The following CHD9 variants were observed in gnomAD, a reference collection of about 807,000 sequenced individuals.
The protein encoded by CHD9 is ATP-dependent chromatin remodeler CHD9.
In CHD9, 77 loss-of-function variants were observed where a neutral mutation model predicts 316.1. The ratio of observed to expected loss-of-function variants is 0.24; its 90% CI spans 0.20 to 0.29. The LOEUF (loss-of-function observed/expected upper bound fraction) is 0.29, where lower values mean the gene tolerates loss of function less well. Among genes scored for constraint, CHD9 ranks in the 10% least tolerant of loss-of-function variants. The pLI is 1.00. For missense variants in CHD9, 2,763 were observed against 3,438.1 expected (o/e 0.80, Z 4.91); for synonymous variants, 1,129 against 1,158.3 (o/e 0.97, Z 0.51).
At chr16:53,244,293 C>T (rs1275145517) in intron 13 of CHD9, among the ~76,000 whole-genome samples, 1 of 150,576 alleles carries the variant, frequency 6.6e-6, no homozygotes, top group Non-Finnish European at 1.5e-5. Flanking sequence ...CCCGGGTTCA[C>T]GCCATTCTCC....
intron 1 of CHD9, among the ~76,000 whole-genome samples, chr16:53,058,109 G>A (rs1178890526): frequency 6.6e-6 from 1 of 151,954 alleles, no homozygotes; most frequent in Non-Finnish European, 1.5e-5. Flanking sequence ...TATCAAATAA[G>A]GTGTCTTTTG....
chr16:53,269,672 AG>A (rs1211179949), intron 22 of CHD9, among the ~76,000 whole-genome samples: 16 of 152,184 alleles, frequency 1.1e-4, no homozygotes, highest in African/African-American at 2.9e-4. Flanking sequence ...ACTAGAAAAA[AG>A]TAAGGCACTA....
At chr16:53,064,657 G>A (rs1202754296) in intron 1 of CHD9, among the ~76,000 whole-genome samples, 1 of 152,138 alleles carries the variant, frequency 6.6e-6, no homozygotes, top group Non-Finnish European at 1.5e-5. Context: ...GCCTGGTGAG[G>A]AAGCCAGGCT....
chr16:53,249,856 C>A lies in CHD9; in HGVS notation c.3666-15C>A, dbSNP rs748529103. On this transcript the variant is annotated splice_polypyrimidine_tract_variant and intron_variant, in intron 16 of 38. Coordinates refer to ENST00000447540, the MANE Select transcript of CHD9 (RefSeq NM_001308319.2). ...TATACTTATTTATGTAAATTTATTCCATTTCATTCCATAGATACTTATATG... is the reference window on the plus strand; with the variant it reads ...TATACTTATTTATGTAAATTTATTCAATTTCATTCCATAGATACTTATATG... 1.1e-5 allele frequency: 18 copies of A among 1,585,298 alleles called. No individual in the cohort carries two copies. The African/African-American group carries it at 2.0e-4, about 18-fold the overall frequency.
At chr16:53,134,056 C>T (rs1179255593) in intron 1 of CHD9, among the ~76,000 whole-genome samples, 2 of 151,866 alleles carry the variant, frequency 1.3e-5, no homozygotes, top group Admixed American at 6.6e-5. Context: ...AGCTTACCTC[C>T]GTAAATAACA....
At chr16:53,173,281 G>A (rs7202653) in intron 2 of CHD9, among the ~76,000 whole-genome samples, 42,282 of 151,776 alleles carry the variant, frequency 0.28, 5,979 homozygotes, top group Middle Eastern at 0.32. Flanking sequence ...TGCTTTTCAA[G>A]GTATTTTTCC....
At chr16:53,127,940 C>CAA (rs35806274) in intron 1 of CHD9, among the ~76,000 whole-genome samples, 22,467 of 77,838 alleles carry the variant, frequency 0.29, 3,605 homozygotes, top group Non-Finnish European at 0.31. Context: ...GAGACTCTGT[C>CAA]AAAAAAAAAA....
At chr16:53,089,288 AAAAACAAAAC>A (rs1248609840) in intron 1 of CHD9, among the ~76,000 whole-genome samples, 5 of 152,190 alleles carry the variant, frequency 3.3e-5, no homozygotes, top group Non-Finnish European at 5.9e-5. Flanking sequence ...ACTGTCTCAA[AAAAACAAAAC>A]AAAACAAAAG....
intron 33 of CHD9, 77 bp from the exon 34 acceptor site, chr16:53,308,609 T>C: frequency 9.6e-7 from 1 of 1,043,656 alleles, no homozygotes; most frequent in East Asian, 2.6e-5. Context: ...TTTTCCTCAG[T>C]AAAAAAATTC....
intron 2 of CHD9, among the ~76,000 whole-genome samples, chr16:53,207,807 T>C (rs371097522): frequency 6.6e-5 from 10 of 152,242 alleles, no homozygotes; most frequent in African/African-American, 2.2e-4. Context: ...TAATCAGATT[T>C]TTATGTATAT....
At chr16:53,265,426 AT>A (rs1241208523) in intron 20 of CHD9, among the ~76,000 whole-genome samples, 1 of 152,124 alleles carries the variant, frequency 6.6e-6, no homozygotes, top group African/African-American at 2.4e-5. Context: ...GTTTAAAAAA[AT>A]AAAATACATT....
chr16:53,263,047 C>G lies in CHD9; in HGVS notation c.4270C>G (p.Gln1424Glu). The G allele has an allele frequency of 1.2e-6, 2 of 1,612,628 alleles. No individual in the cohort carries two copies. The highest frequency in any genetic ancestry group is 1.7e-6 in the Non-Finnish European group (2 of 1,179,118). ...DISLDDPNFW[Q>E]KWAKKAEIDI... ...TTCTTTAGATGATCCCAACTTCTGG[C>G]AAAAATGGGCTAAAAAGGCAGAAAT... The change falls in exon 20 of 39, where the codon CAA becomes GAA. Residue 1424 changes from glutamine to glutamate, a missense_variant. Physicochemically the swap from Gln to Glu is conservative, Grantham distance 29. Coordinates refer to ENST00000447540, the MANE Select transcript of CHD9 (RefSeq NM_001308319.2).
At chr16:53,180,683 AT>A (rs537506077) in intron 2 of CHD9, among the ~76,000 whole-genome samples, 52 of 150,566 alleles carry the variant, frequency 3.5e-4, no homozygotes, top group African/African-American at 1.2e-3. Flanking sequence ...TAAATTTATT[AT>A]TTTTTTTTGA....
At chr16:53,316,300 T>C (rs979083669) in intron 36 of CHD9, among the ~76,000 whole-genome samples, 3 of 152,178 alleles carry the variant, frequency 2.0e-5, no homozygotes, top group Non-Finnish European at 4.4e-5. Flanking sequence ...ATTTATTCAG[T>C]TAACAATTTT....
At chr16:53,129,886 C>T (rs1214881546) in intron 1 of CHD9, among the ~76,000 whole-genome samples, 1 of 152,144 alleles carries the variant, frequency 6.6e-6, no homozygotes, top group African/African-American at 2.4e-5. Context: ...CTTCCTTTTA[C>T]AGAAGGCAAA....
chr16:53,129,788 A>T (rs947245837), intron 1 of CHD9, among the ~76,000 whole-genome samples: 2 of 152,190 alleles, frequency 1.3e-5, no homozygotes, highest in Non-Finnish European at 2.9e-5. Context: ...TTAAATTTTT[A>T]ATTCGGTAGA....
At chr16:53,299,741 C>G (rs1449985905) in intron 30 of CHD9, 1 of 189,604 alleles carries the variant, frequency 5.3e-6, no homozygotes, top group Non-Finnish European at 1.1e-5. Flanking sequence ...CAGGCTTTCT[C>G]TCTGGTCGTG....
At chr16:53,163,266 A>G (rs2042045670) in intron 2 of CHD9, among the ~76,000 whole-genome samples, 1 of 152,040 alleles carries the variant, frequency 6.6e-6, no homozygotes, top group Non-Finnish European at 1.5e-5. Flanking sequence ...GCTAAAGTTC[A>G]ATGATGTGAT....
intron 1 of CHD9, among the ~76,000 whole-genome samples, chr16:53,155,028 A>C (rs2041408909): frequency 6.6e-6 from 1 of 152,076 alleles, no homozygotes; most frequent in African/African-American, 2.4e-5. Flanking sequence ...ATTTTTACTT[A>C]TATTACTAGC....
Sources: gnomAD v4.1 joint callset for allele counts (sites outside exome capture counted in the v4.1 genomes callset) on GRCh38, gnomAD v4.1.1 for gene constraint, MANE v1.5 for transcripts, NCBI Gene and HGNC (gene_info 2026-07-23, HGNC 2026-07-21) for gene names.